NRG1: variants seen among roughly 807,000 people sequenced by gnomAD.
NRG1 encodes the protein neuregulin 1, also known as pro-neuregulin-1, membrane-bound isoform.
NRG1 carries 18 observed loss-of-function variants against 63.8 expected under a neutral mutation model. The ratio of observed to expected loss-of-function variants is 0.28; its 90% confidence interval spans 0.19 to 0.42. The LOEUF is 0.42. Ranked by LOEUF, NRG1 falls within the 10% of genes least tolerant of loss-of-function variation. The pLI is 1.00. For missense variants in NRG1, 762 were observed against 814.7 expected (o/e 0.94, Z 0.79); for synonymous variants, 302 against 301.3 (o/e 1.00, Z -0.02).
At chr8:32,181,837 C>A (rs1299405462) in intron 1 of NRG1, among the ~76,000 whole-genome samples, 3 of 151,418 alleles carry the variant, frequency 2.0e-5, no homozygotes, top group African/African-American at 7.3e-5. Context: ...CTATTTATAA[C>A]TGAAAAAAAA....
At chr8:32,035,834 A>T (rs562873204) in intron 1 of NRG1, among the ~76,000 whole-genome samples, 1 of 152,216 alleles carries the variant, frequency 6.6e-6, no homozygotes, top group East Asian at 1.9e-4. Flanking sequence ...GTGCAGCTTT[A>T]CATGTGAGAT....
At chr8:32,325,375 T>A (rs913822233) in intron 1 of NRG1, among the ~76,000 whole-genome samples, 15 of 152,246 alleles carry the variant, frequency 9.9e-5, no homozygotes, top group East Asian at 3.9e-4. Flanking sequence ...AATTAAAAAA[T>A]TTTTTTGTTG....
rs115666986 is a variant in NRG1, at chr8:32,760,322, C to T, written c.1175C>T (p.Thr392Ile). Residue 392 changes from threonine to isoleucine, a missense_variant, in exon 11 of 12, where the codon ACA becomes ATA. Physicochemically the swap from Thr to Ile is moderately conservative, Grantham distance 89. Coordinates refer to ENST00000356819, the Ensembl canonical transcript of NRG1. Reference sequence around the variant, plus strand: ...GGCCCAAGAGGACGTCTTAATGGCACAGGAGGCCCTCGTGAATGTAACAGC... The same window carrying T: ...GGCCCAAGAGGACGTCTTAATGGCATAGGAGGCCCTCGTGAATGTAACAGC... The T allele has an allele frequency of 1.7e-5, 27 of 1,614,062 alleles. No homozygotes were observed. The African/African-American group carries it at 2.8e-4, about 17-fold the overall frequency.
At chr8:32,363,340 G>C (rs1454105090) in intron 1 of NRG1, among the ~76,000 whole-genome samples, 1 of 152,144 alleles carries the variant, frequency 6.6e-6, no homozygotes, top group South Asian at 2.1e-4. Context: ...CTATTCGAGT[G>C]CATTGAAATG....
chr8:32,404,265 G>A (rs549466332), intron 1 of NRG1, among the ~76,000 whole-genome samples: 62 of 152,074 alleles, frequency 4.1e-4, no homozygotes, highest in Admixed American at 4.1e-3. Flanking sequence ...GATGCAAAGG[G>A]GCGGGGGTAA....
downstream of NRG1, among the ~76,000 whole-genome samples, chr8:32,771,716 ATAT>A (rs1372081943): frequency 0.15 from 10,205 of 66,370 alleles, 508 homozygotes; most frequent in African/African-American, 0.17. Context: ...TAAAAAAAAA[ATAT>A]ATATATATAT....
chr8:32,725,533 C>T (rs555621797), intron 5 of NRG1, among the ~76,000 whole-genome samples: 35 of 123,968 alleles, frequency 2.8e-4, no homozygotes, highest in African/African-American at 9.7e-4. Flanking sequence ...TTCAGTGCGG[C>T]AGTGCAATCT....
chr8:32,329,507 G>A (rs1802394209), intron 1 of NRG1, among the ~76,000 whole-genome samples: 1 of 152,074 alleles, frequency 6.6e-6, no homozygotes. Context: ...ATGTGATGGG[G>A]GATAAAAGGC....
At chr8:31,658,979 G>C (rs760143861) in intron 1 of NRG1, among the ~76,000 whole-genome samples, 1 of 152,186 alleles carries the variant, frequency 6.6e-6, no homozygotes. Context: ...TCCAGCTGTG[G>C]TTTGTCGGTC....
At chr8:32,448,733 C>T (rs531479521) in intron 1 of NRG1, among the ~76,000 whole-genome samples, 2 of 152,228 alleles carry the variant, frequency 1.3e-5, no homozygotes, top group South Asian at 2.1e-4. Context: ...AGAGGTTCCT[C>T]GGCACCTCCT....
At chr8:32,093,913 T>C (rs934136151) in intron 1 of NRG1, among the ~76,000 whole-genome samples, 3 of 152,194 alleles carry the variant, frequency 2.0e-5, no homozygotes, top group Non-Finnish European at 4.4e-5. Flanking sequence ...CACTGCATCT[T>C]TCAGCCTGGA....
intron 5 of NRG1, among the ~76,000 whole-genome samples, chr8:32,681,471 T>A (rs1274354967): frequency 2.6e-5 from 4 of 152,100 alleles, no homozygotes; most frequent in Non-Finnish European, 5.9e-5. Context: ...GTGTATTGTC[T>A]CCCATTTTAA....
intron 1 of NRG1, among the ~76,000 whole-genome samples, chr8:31,811,584 G>A (rs1483735076): frequency 6.6e-6 from 1 of 151,918 alleles, no homozygotes; most frequent in Admixed American, 6.6e-5. Flanking sequence ...CTTCTGTGTT[G>A]TTGTTGTTGC....
chr8:32,023,612 CA>C (rs1156341423), intron 1 of NRG1, among the ~76,000 whole-genome samples: 3 of 152,232 alleles, frequency 2.0e-5, no homozygotes, highest in African/African-American at 7.2e-5. Context: ...CCAGTCCTTC[CA>C]GATTGTGAGG....
chr8:32,002,906 A>C (rs1237396842), intron 1 of NRG1, among the ~76,000 whole-genome samples: 1 of 152,030 alleles, frequency 6.6e-6, no homozygotes, highest in Non-Finnish European at 1.5e-5. Flanking sequence ...TTTTTTCTGT[A>C]AAATCCTACA....
At chr8:31,843,730 T>C (rs1454830669) in intron 1 of NRG1, among the ~76,000 whole-genome samples, 4 of 152,206 alleles carry the variant, frequency 2.6e-5, no homozygotes, top group African/African-American at 7.2e-5. Flanking sequence ...TTCTTCCCTT[T>C]CTACTGATGA....
chr8:31,697,719 T>C (rs1406602639), intron 1 of NRG1, among the ~76,000 whole-genome samples: 1 of 152,084 alleles, frequency 6.6e-6, no homozygotes, highest in Admixed American at 6.6e-5. Context: ...ACTCCTGGAG[T>C]CTTCCACGGT....
Position 32,748,850 on chromosome 8 carries a change from G to A in NRG1, c.692-5522G>A, listed in dbSNP as rs372234963. On this transcript the variant is annotated intron_variant, in intron 7 of 11. Transcript: ENST00000356819. ...GAACTTATATGAGAAAAACTAGAAG[G>A]AGTCTCCAGTGTCCCAAGCCCCTGT... 126 of 329,840 alleles carry A rather than the reference G, an allele frequency of 3.8e-4. No homozygotes were observed. In the Middle Eastern group the frequency reaches 0.012, roughly 31 times the overall value. 20.4% of individuals were successfully genotyped at this position (329,840 alleles called of 1,614,324 possible). A position where few individuals can be genotyped will look rare whatever the true frequency, so the allele number is the denominator to read the frequency against.
exon 1 of NRG1, chr8:32,548,544 C>T: frequency 8.0e-7 from 1 of 1,254,574 alleles, no homozygotes; most frequent in East Asian, 3.4e-5. Context: ...CCGGACCGCC[C>T]GCCGCGTCCG....
Sources: gnomAD v4.1 joint callset for allele counts (sites outside exome capture counted in the v4.1 genomes callset) on GRCh38, gnomAD v4.1.1 for gene constraint, MANE v1.5 for transcripts, NCBI Gene and HGNC (gene_info 2026-07-23, HGNC 2026-07-21) for gene names.